The following TAPT1 variants were observed in gnomAD, a reference collection of about 807,000 sequenced individuals.
TAPT1 encodes the protein transmembrane anterior posterior transformation 1, also known as transmembrane anterior posterior transformation protein 1 homolog.
In TAPT1, 28 loss-of-function variants were observed where a neutral mutation model predicts 65.6. The ratio of observed to expected loss-of-function variants is 0.43; its 90% CI spans 0.32 to 0.59. TAPT1 has a LOEUF of 0.59. TAPT1 is among the 20% of genes least tolerant of loss of function. The probability of loss-of-function intolerance (pLI) is 0.09; values close to 1 mark genes in which losing one functional copy is unlikely to be tolerated. For missense variants in TAPT1, 563 were observed against 679.9 expected, an observed-to-expected ratio of 0.83 and a Z score of 1.91; for synonymous variants, 278 against 245.2, an observed-to-expected ratio of 1.13 and a Z score of -1.25.
chr4:16,174,942 C>A, intron 9 of TAPT1: 2 of 383,950 alleles, frequency 5.2e-6, no homozygotes, highest in Non-Finnish European at 4.6e-6. Flanking sequence ...CATAGATCTT[C>A]TAAAGGTTTT....
At chr4:16,165,053 C>G (rs1441121335) in intron 13 of TAPT1, among the ~76,000 whole-genome samples, 1 of 152,098 alleles carries the variant, frequency 6.6e-6, no homozygotes, top group Non-Finnish European at 1.5e-5. Flanking sequence ...CATGATCTAA[C>G]TCATGCTGGC....
chr4:16,187,011 T>C (rs2149687812), intron 5 of TAPT1, 133 bp from the exon 6 acceptor site: 2 of 603,792 alleles, frequency 3.3e-6, no homozygotes, highest in East Asian at 2.8e-5. Context: ...ATTATCTTCA[T>C]AATTTCCCTA....
intron 12 of TAPT1, among the ~76,000 whole-genome samples, chr4:16,169,627 T>A (rs1471553290): frequency 6.6e-6 from 1 of 151,992 alleles, no homozygotes; most frequent in Non-Finnish European, 1.5e-5. Context: ...ATTAGCCACA[T>A]GACCTACACA....
In TAPT1 at chr4:16,174,685, G is replaced by A. The variant is rs774144773; in HGVS notation, c.1152C>T (p.Ser384=). The A allele has an allele frequency of 1.0e-5, 16 of 1,593,454 alleles. No individual in the cohort carries two copies. The highest frequency in any genetic ancestry group is 1.7e-5 in the Admixed American group (1 of 57,408). ...YRASLAFDLV[S]SRQKNAYTDY... is the part of the protein sequence containing the mutation. ...AAATGCTCACATTTTTCTGTCGGCTGCTAACAAGGTCAAAAGCAAGACTGG... is the reference window on the plus strand; with the variant it reads ...AAATGCTCACATTTTTCTGTCGGCTACTAACAAGGTCAAAAGCAAGACTGG... Residue 384 remains serine, a synonymous_variant, in exon 10 of 14, where the codon AGC becomes AGT. Transcript: ENST00000405303.
intron 1 of TAPT1, among the ~76,000 whole-genome samples, chr4:16,222,776 T>C (rs73798882): frequency 0.024 from 3,670 of 152,264 alleles, 143 homozygotes; most frequent in African/African-American, 0.083. Flanking sequence ...AGAAGAGGTC[T>C]AACCATGGTT....
chr4:16,225,977 G>A (rs1173655749), intron 1 of TAPT1: 2 of 995,518 alleles, frequency 2.0e-6, no homozygotes, highest in Non-Finnish European at 2.4e-6. Context: ...GGCGATGCAA[G>A]GACCCGGACA....
rs1023880241 is a variant in TAPT1 at position 16,160,707 on chromosome 4, T to C, written c.*2601A>G. On this transcript the variant is annotated 3_prime_UTR_variant, in exon 14 of 14. Transcript: ENST00000405303. Reference sequence around the variant, plus strand: ...ATAGGAAGTGATTAACAAATCTTTGTTGATAAAAAATAGTTGAAAACATGT... The same window carrying C: ...ATAGGAAGTGATTAACAAATCTTTGCTGATAAAAAATAGTTGAAAACATGT... The C allele has an allele frequency of 6.6e-6, 1 of 152,252 alleles. No homozygotes were observed. The highest frequency in any genetic ancestry group is 1.5e-5 in the Non-Finnish European group (1 of 68,046). 9.4% of individuals were successfully genotyped at this position (152,252 alleles called of 1,614,324 possible).
intron 2 of TAPT1, among the ~76,000 whole-genome samples, chr4:16,206,342 T>C (rs1750343774): frequency 6.6e-6 from 1 of 152,354 alleles, no homozygotes; most frequent in African/African-American, 2.4e-5. Context: ...TGTTGAATAC[T>C]GTTATATTTT....
chr4:16,186,900 A>C (rs1172218678), intron 5 of TAPT1, 22 bp from the exon 6 acceptor site: 1 of 1,482,880 alleles, frequency 6.7e-7, no homozygotes, highest in Non-Finnish European at 9.4e-7. Flanking sequence ...TCAAGGAAAA[A>C]ACTTAAATTT....
At chr4:16,221,118 A>G (rs1032936514) in intron 1 of TAPT1, among the ~76,000 whole-genome samples, 2 of 123,338 alleles carry the variant, frequency 1.6e-5, no homozygotes, top group Admixed American at 7.5e-5. Context: ...ACATATATAT[A>G]TACTTTTTTT....
chr4:16,191,510 G>A lies in TAPT1; in HGVS notation c.463C>T (p.Leu155Phe). ...PCYGLRDRRL[L>F]QPAQVCDILK... is the part of the protein sequence containing the mutation. ...ATGTCACACACCTGGGCAGGCTGAA[G>A]CAAACGTCTGTCCCTGAAACATACA... Residue 155 changes from leucine to phenylalanine, a missense_variant, in exon 4 of 14, where the codon CTT becomes TTT. Coordinates refer to ENST00000405303, the MANE Select transcript of TAPT1 (RefSeq NM_153365.3). 4 of 1,558,002 alleles carry A rather than the reference G, an allele frequency of 2.6e-6. No individual in the cohort carries two copies. The South Asian group carries it at 3.6e-5, about 14-fold the overall frequency.
intron 7 of TAPT1, among the ~76,000 whole-genome samples, chr4:16,181,717 G>A (rs774967455): frequency 6.6e-5 from 10 of 152,086 alleles, no homozygotes; most frequent in Non-Finnish European, 1.5e-4. Context: ...ACAGGCATGT[G>A]CCACCATGCC....
intron 8 of TAPT1, 29 bp downstream of exon 8, chr4:16,179,548 A>T (rs1328862667): frequency 1.5e-6 from 2 of 1,352,458 alleles, no homozygotes; most frequent in African/African-American, 3.0e-5. Context: ...GTAAAATTAT[A>T]AGACACTGTT....
rs1028068298 is a variant in TAPT1, at chr4:16,225,769, GGTCA to G, written c.199+486_199+489del. 1.2e-5 allele frequency: 6 copies of G among 490,504 alleles called. No individual in the cohort carries two copies. The African/African-American group carries it at 1.3e-4, about 10-fold the overall frequency. The allele number at this position is 490,504 out of a possible 1,614,324, so 30.4% of individuals were successfully genotyped here. ...ACTGGGCAAAACTACTGAACTTCATGGTCACTACCACACCGTCAGCTGTCTGTGA... is the reference window on the plus strand; with the variant it reads ...ACTGGGCAAAACTACTGAACTTCATGCTACCACACCGTCAGCTGTCTGTGA... On this transcript the variant is annotated intron_variant, in intron 1 of 13. Coordinates refer to ENST00000405303, the MANE Select transcript of TAPT1 (RefSeq NM_153365.3).
chr4:16,194,433 A>G (rs1427158422), intron 3 of TAPT1, among the ~76,000 whole-genome samples: 2 of 152,220 alleles, frequency 1.3e-5, no homozygotes, highest in Non-Finnish European at 2.9e-5. Context: ...AAACTTGGCA[A>G]CCTGGCTCCA....
At chr4:16,196,749 G>T (rs1407134213) in intron 3 of TAPT1, 6 of 1,234,700 alleles carry the variant, frequency 4.9e-6, no homozygotes, top group Non-Finnish European at 5.3e-6. Flanking sequence ...GAAAGAAAGA[G>T]AGAAGATTGT....
At chr4:16,186,758 T>C (rs201061420) in intron 6 of TAPT1, 23 bp downstream of exon 6, 3 of 1,543,140 alleles carry the variant, frequency 1.9e-6, no homozygotes, top group Non-Finnish European at 2.7e-6. Flanking sequence ...ACTTCAAAAA[T>C]GTAAGATAAA....
chr4:16,201,441 G>A (rs1215118531), intron 3 of TAPT1, among the ~76,000 whole-genome samples: 1 of 152,112 alleles, frequency 6.6e-6, no homozygotes, highest in Non-Finnish European at 1.5e-5. Context: ...GTCCATTTTA[G>A]CATTTTAGAA....
At chr4:16,195,712 T>C (rs1560173004) in intron 3 of TAPT1, among the ~76,000 whole-genome samples, 1 of 152,262 alleles carries the variant, frequency 6.6e-6, no homozygotes. Context: ...AGAGCATCTC[T>C]AGTTGTTTCA....
Sources: gnomAD v4.1 joint callset for allele counts (sites outside exome capture counted in the v4.1 genomes callset) on GRCh38, gnomAD v4.1.1 for gene constraint, MANE v1.5 for transcripts, NCBI Gene and HGNC (gene_info 2026-07-23, HGNC 2026-07-21) for gene names.